The following KDM4C variants were observed in gnomAD, a reference collection of about 807,000 sequenced individuals.
The protein encoded by KDM4C is lysine-specific demethylase 4C.
A neutral mutation model predicts 129.3 loss-of-function variants in KDM4C; 81 were observed. That is an observed-to-expected ratio of 0.63 (90% CI 0.52 to 0.75). The LOEUF (loss-of-function observed/expected upper bound fraction) is 0.75. Ranked by LOEUF, KDM4C falls within the 30% of genes least tolerant of loss-of-function variation. The pLI, the probability that KDM4C is intolerant of heterozygous loss-of-function variation, is 0.00. For missense variants in KDM4C, 1,457 were observed against 1,304.0 expected (o/e 1.12, Z -1.81); for synonymous variants, 573 against 456.1 (o/e 1.26, Z -3.26).
At chr9:6,982,542 A>G (rs992120042) in intron 9 of KDM4C, 3 of 152,344 alleles carry the variant, frequency 2.0e-5, no homozygotes, top group Admixed American at 6.5e-5. Flanking sequence ...TCTGAAATAT[A>G]TAACTCACTG....
chr9:7,149,511 C>A (rs1842535850), intron 19 of KDM4C, among the ~76,000 whole-genome samples: 1 of 152,356 alleles, frequency 6.6e-6, no homozygotes, highest in African/African-American at 2.4e-5. Context: ...CCACTGGGAT[C>A]ACCTGTTCCC....
chr9:6,940,499 A>T (rs1050308461), intron 8 of KDM4C, among the ~76,000 whole-genome samples: 1 of 152,218 alleles, frequency 6.6e-6, no homozygotes, highest in Non-Finnish European at 1.5e-5. Flanking sequence ...TAAAAATAAG[A>T]TCTATATGCT....
intron 1 of KDM4C, among the ~76,000 whole-genome samples, chr9:6,790,045 G>A (rs1490184476): frequency 6.7e-6 from 1 of 150,352 alleles, no homozygotes; most frequent in Non-Finnish European, 1.5e-5. Flanking sequence ...AGGCCGAGGC[G>A]GGTGGGATCG....
At chr9:6,794,966 C>A (rs1031158984) in intron 2 of KDM4C, among the ~76,000 whole-genome samples, 2 of 152,064 alleles carry the variant, frequency 1.3e-5, no homozygotes, top group Non-Finnish European at 2.9e-5. Flanking sequence ...AAAAAATTTC[C>A]CATGGAAGAA....
Position 6,805,792 on chromosome 9 carries a change from G to T in KDM4C, c.320+18G>T, listed in dbSNP as rs370020790. 46 of 1,598,248 alleles carry T rather than the reference G, an allele frequency of 2.9e-5. No individual in the cohort carries two copies. Among genetic ancestry groups the T allele is most frequent in the Non-Finnish European group, 3.9e-5 (46 of 1,171,976 alleles). On this transcript the variant is annotated intron_variant, in intron 3 of 21. Transcript: ENST00000381309. The stretch of plus-strand genomic sequence containing the variant: ...AGTGGCAAGTGAGTAGAATCAGTTT[G>T]CTATTTCTGTTTCCTTCAAAGATTT...
intron 17 of KDM4C, among the ~76,000 whole-genome samples, chr9:7,080,534 T>G (rs1834409440): frequency 6.6e-6 from 1 of 152,206 alleles, no homozygotes; most frequent in Admixed American, 6.5e-5. Context: ...TTAATACAAT[T>G]TATTTGAATT....
chr9:6,847,371 CT>C (rs1296933935), intron 4 of KDM4C, among the ~76,000 whole-genome samples: 1 of 151,774 alleles, frequency 6.6e-6, no homozygotes, highest in Non-Finnish European at 1.5e-5. Flanking sequence ...TCTATGAGGT[CT>C]GAAAAGTTGG....
chr9:6,968,647 T>A (rs1238245452), intron 8 of KDM4C, among the ~76,000 whole-genome samples: 3 of 152,222 alleles, frequency 2.0e-5, no homozygotes, highest in Admixed American at 6.5e-5. Flanking sequence ...AATTCCAAAG[T>A]GAGGGTTCGT....
At chr9:6,949,527 C>T (rs1348145350) in intron 8 of KDM4C, among the ~76,000 whole-genome samples, 1 of 152,204 alleles carries the variant, frequency 6.6e-6, no homozygotes, top group South Asian at 2.1e-4. Context: ...CAAGATCACG[C>T]CACTGCCCTC....
intron 3 of KDM4C, among the ~76,000 whole-genome samples, chr9:6,807,795 G>GGC (rs1554695148): frequency 2.0e-5 from 3 of 149,210 alleles, no homozygotes; most frequent in Non-Finnish European, 4.5e-5. Context: ...GGAGGTGGGG[G>GGC]GGGGGTCAGC....
intron 1 of KDM4C, among the ~76,000 whole-genome samples, chr9:6,776,379 A>C (rs72699648): frequency 0.078 from 11,902 of 152,078 alleles, 660 homozygotes; most frequent in South Asian, 0.23. Flanking sequence ...TTCCTGCCTC[A>C]GCCTCCCGAG....
Position 6,949,267 on chromosome 9 carries a change from G to A in KDM4C, c.922-31658G>A, listed in dbSNP as rs180967774. On this transcript the variant is annotated intron_variant, in intron 8 of 21. Coordinates refer to ENST00000381309, the MANE Select transcript of KDM4C (RefSeq NM_015061.6). ...CAGACGGGGTTGCGGCCGGGCAGAG[G>A]CGCTCCTCACATCCCAGATGATGGG... 4.2e-4 allele frequency among the ~76,000 whole-genome samples: 64 copies of A among 151,688 alleles called. 1 individual carries two copies. Among genetic ancestry groups the A allele is most frequent in the African/African-American group, 1.3e-3 (53 of 41,360 alleles).
At chr9:6,755,139 A>T (rs1818198320), upstream of KDM4C, among the ~76,000 whole-genome samples, 1 of 152,204 alleles carries the variant, frequency 6.6e-6, no homozygotes, top group Non-Finnish European at 1.5e-5. Flanking sequence ...TGGGAGGCCA[A>T]GGTGAGTGGA....
In KDM4C at chr9:6,835,941, G is replaced by T. The variant is rs1396082354; in HGVS notation, c.436-13566G>T. Among the ~76,000 whole-genome samples the T allele has an allele frequency of 1.3e-5, 2 of 152,156 alleles. 1 individual carries two copies. Among genetic ancestry groups the T allele is most frequent in the Non-Finnish European group, 2.9e-5 (2 of 68,028 alleles). On this transcript the variant is annotated intron_variant, in intron 4 of 21. Transcript: ENST00000381309. ...CCTAGTCCTCCTCCGAGTCCACATA[G>T]GGGAGGTTTCTTGTAAATTAGGTAA... is the stretch of plus-strand genomic sequence containing the variant.
intron 1 of KDM4C, among the ~76,000 whole-genome samples, chr9:6,749,474 C>A: frequency 6.6e-6 from 1 of 152,002 alleles, no homozygotes; most frequent in East Asian, 1.9e-4. Context: ...TAAGTGTGGG[C>A]AATATGGTGA....
At chr9:6,886,379 C>G (rs1247552680) in intron 6 of KDM4C, among the ~76,000 whole-genome samples, 2 of 150,310 alleles carry the variant, frequency 1.3e-5, no homozygotes, top group East Asian at 3.9e-4. Context: ...GTGGTGCAAT[C>G]TCAGTTCACT....
intron 2 of KDM4C, among the ~76,000 whole-genome samples, chr9:6,801,238 AAT>A (rs1491481345): frequency 1.5e-5 from 2 of 133,202 alleles, no homozygotes; most frequent in African/African-American, 5.7e-5. Flanking sequence ...TGAGTAGGGA[AAT>A]TTTTTTTTTT....
intron 5 of KDM4C, among the ~76,000 whole-genome samples, chr9:6,873,903 CGAGA>C (rs1310456528): frequency 7.3e-6 from 1 of 136,100 alleles, no homozygotes; most frequent in Non-Finnish European, 1.6e-5. Flanking sequence ...CACTTAGAGG[CGAGA>C]GAGAGAGCGA....
intron 12 of KDM4C, among the ~76,000 whole-genome samples, chr9:7,005,490 C>T (rs1421229185): frequency 6.6e-6 from 1 of 151,750 alleles, no homozygotes; most frequent in Non-Finnish European, 1.5e-5. Flanking sequence ...ATAAACGCCC[C>T]ACATTCCTTT....
Sources: gnomAD v4.1 joint callset for allele counts (sites outside exome capture counted in the v4.1 genomes callset) on GRCh38, gnomAD v4.1.1 for gene constraint, MANE v1.5 for transcripts, NCBI Gene and HGNC (gene_info 2026-07-23, HGNC 2026-07-21) for gene names.